NRF1: variants seen among roughly 807,000 people sequenced by gnomAD.
NRF1 encodes alpha palindromic-binding protein.
Under a neutral mutation model 58.5 loss-of-function variants are expected in NRF1, and 5 were observed. The ratio of observed to expected loss-of-function variants is 0.09; its 90% confidence interval spans 0.04 to 0.18. The LOEUF is 0.18. NRF1 is among the 10% of genes least tolerant of loss of function. The probability of loss-of-function intolerance (pLI) is 1.00; values close to 1 mark genes in which losing one functional copy is unlikely to be tolerated. For synonymous variants in NRF1, 224 were observed against 246.7 expected (o/e 0.91, Z 0.86); for missense variants, 288 against 657.7 (o/e 0.44, Z 6.15).
intron 1 of NRF1, among the ~76,000 whole-genome samples, chr7:129,621,826 G>T (rs866726979): frequency 6.8e-6 from 1 of 147,528 alleles, no homozygotes; most frequent in East Asian, 2.0e-4. Flanking sequence ...TCTGTCGCCC[G>T]GGCTGGAGTG....
intron 10 of NRF1, among the ~76,000 whole-genome samples, chr7:129,744,884 C>T (rs1803935751): frequency 1.3e-5 from 2 of 151,802 alleles, no homozygotes; most frequent in Non-Finnish European, 2.9e-5. Flanking sequence ...GCTTCCTTGC[C>T]TCAGCGTATC....
At chr7:129,630,214 T>C (rs1801016981) in intron 1 of NRF1, 1 of 152,232 alleles carries the variant, frequency 6.6e-6, no homozygotes, top group South Asian at 2.1e-4. Flanking sequence ...TCAGGCAGCT[T>C]TTCCATAGAC....
At chr7:129,622,199 A>G (rs1562951166) in intron 1 of NRF1, among the ~76,000 whole-genome samples, 1 of 152,160 alleles carries the variant, frequency 6.6e-6, no homozygotes, top group Admixed American at 6.5e-5. Context: ...TTGTTTTTCA[A>G]GTTATCCTTA....
rs893964680 is a variant in NRF1, at chr7:129,696,762, A to G, written c.606+6216A>G. ...AGGATCCTAAGATACATTCTGAATC[A>G]TCTAAAGAGAGTAAATTATATTCAA... On this transcript the variant is annotated intron_variant, in intron 5 of 10. Transcript: ENST00000393232. 4.6e-5 allele frequency among the ~76,000 whole-genome samples: 7 copies of G among 152,354 alleles called. No individual in the cohort carries two copies. In the South Asian group the frequency reaches 1.4e-3, roughly 32 times the overall value.
intron 4 of NRF1, among the ~76,000 whole-genome samples, chr7:129,682,029 C>T (rs1433719643): frequency 6.6e-6 from 1 of 151,802 alleles, no homozygotes; most frequent in Non-Finnish European, 1.5e-5. Flanking sequence ...CTACAGTGAG[C>T]CATAATGATG....
intron 7 of NRF1, among the ~76,000 whole-genome samples, 172 bp from the exon 8 acceptor site, chr7:129,711,303 G>A (rs533416454): frequency 3.9e-5 from 6 of 152,296 alleles, no homozygotes; most frequent in South Asian, 4.1e-4. Flanking sequence ...TCTGAAACTC[G>A]TGATAGTCTC....
chr7:129,625,572 C>T (rs1261859111), intron 1 of NRF1, among the ~76,000 whole-genome samples: 2 of 151,870 alleles, frequency 1.3e-5, no homozygotes, highest in African/African-American at 4.8e-5. Context: ...TCAGTCATGG[C>T]TCACTGTTGC....
chr7:129,646,677 G>T (rs1801412230), intron 1 of NRF1, among the ~76,000 whole-genome samples: 1 of 152,184 alleles, frequency 6.6e-6, no homozygotes, highest in Non-Finnish European at 1.5e-5. Flanking sequence ...TTATAACAAT[G>T]AAAACAGCAA....
intron 6 of NRF1, among the ~76,000 whole-genome samples, chr7:129,709,651 CTT>C (rs746463613): frequency 3.3e-5 from 5 of 151,710 alleles, no homozygotes; most frequent in Non-Finnish European, 5.9e-5. Flanking sequence ...AATAACAAAA[CTT>C]TTACAAGAAA....
intron 1 of NRF1, among the ~76,000 whole-genome samples, chr7:129,651,509 C>T (rs1168570609): frequency 1.3e-5 from 2 of 151,922 alleles, no homozygotes; most frequent in Non-Finnish European, 2.9e-5. Flanking sequence ...AATGGCAAGC[C>T]TGTGAAGCAG....
In NRF1 at chr7:129,642,681, T is replaced by A. The variant is rs1202480414; in HGVS notation, c.-6-14665T>A. Among the ~76,000 whole-genome samples, 7 of 152,182 alleles carry A rather than the reference T, an allele frequency of 4.6e-5. No individual in the cohort carries two copies. In the East Asian group the frequency reaches 1.4e-3, roughly 29 times the overall value. Reference sequence around the variant, plus strand: ...CTCAGGTTACAGTGATTTGTGTTTATTTTTAATTCCCCTATATTTTCTCAG... The same window carrying A: ...CTCAGGTTACAGTGATTTGTGTTTAATTTTAATTCCCCTATATTTTCTCAG... On this transcript the variant is annotated intron_variant, in intron 1 of 10. Transcript: ENST00000393232.
chr7:129,683,060 A>G (rs1398739668), intron 4 of NRF1, among the ~76,000 whole-genome samples: 1 of 151,498 alleles, frequency 6.6e-6, no homozygotes, highest in Non-Finnish European at 1.5e-5. Flanking sequence ...CCTCCTGAGT[A>G]GCTGGCTAAT....
chr7:129,720,124 A>G (rs1474109670), intron 9 of NRF1, among the ~76,000 whole-genome samples: 1 of 152,190 alleles, frequency 6.6e-6, no homozygotes, highest in African/African-American at 2.4e-5. Context: ...GGCATAGAGG[A>G]GGAATAAAGA....
chr7:129,616,244 C>G (rs752285205), intron 1 of NRF1, among the ~76,000 whole-genome samples: 2 of 151,938 alleles, frequency 1.3e-5, no homozygotes, highest in Non-Finnish European at 2.9e-5. Context: ...TTCTATGACC[C>G]AAAGAAGGGC....
At chr7:129,613,372 G>A (rs1800585142) in intron 1 of NRF1, among the ~76,000 whole-genome samples, 2 of 152,070 alleles carry the variant, frequency 1.3e-5, no homozygotes, top group South Asian at 4.1e-4. Flanking sequence ...AGGTTACCCC[G>A]TAAGACAGTG....
intron 1 of NRF1, among the ~76,000 whole-genome samples, chr7:129,645,260 G>A (rs973927354): frequency 2.0e-5 from 3 of 152,144 alleles, no homozygotes; most frequent in Non-Finnish European, 4.4e-5. Flanking sequence ...TTACAACTAA[G>A]ACAGAAAAAG....
chr7:129,734,171 A>T (rs1342315493), intron 10 of NRF1, among the ~76,000 whole-genome samples: 1 of 152,248 alleles, frequency 6.6e-6, no homozygotes, highest in Admixed American at 6.5e-5. Flanking sequence ...CAAAATTTAC[A>T]TAATCTTACT....
chr7:129,644,207 AT>A (rs1489949565), intron 1 of NRF1, among the ~76,000 whole-genome samples: 4 of 152,264 alleles, frequency 2.6e-5, no homozygotes, highest in South Asian at 2.1e-4. Context: ...ACACTTATTT[AT>A]TTTTTAAGCT....
chr7:129,627,307 G>A (rs956291790), intron 1 of NRF1, among the ~76,000 whole-genome samples: 87 of 152,118 alleles, frequency 5.7e-4, no homozygotes, highest in African/African-American at 1.8e-3. Context: ...AGTCTCCCCT[G>A]CTCAAGCAGT....
Sources: gnomAD v4.1 joint callset for allele counts (sites outside exome capture counted in the v4.1 genomes callset) on GRCh38, gnomAD v4.1.1 for gene constraint, MANE v1.5 for transcripts, NCBI Gene and HGNC (gene_info 2026-07-23, HGNC 2026-07-21) for gene names.